Variants in RAD54B observed in about 807,000 individuals in gnomAD.
RAD54B encodes RAD54 homolog B.
A neutral mutation model predicts 95.8 loss-of-function variants in RAD54B; 78 were observed. The observed-to-expected ratio is 0.81, with a 90% CI of 0.68 to 0.98. The LOEUF (loss-of-function observed/expected upper bound fraction) is 0.98. Ranked by LOEUF, RAD54B falls within the 50% of genes least tolerant of loss-of-function variation. The probability of loss-of-function intolerance (pLI) is 0.00; values close to 1 mark genes in which losing one functional copy is unlikely to be tolerated. For missense variants in RAD54B, 957 were observed against 1,056.6 expected (o/e 0.91, Z 1.31); for synonymous variants, 328 against 354.9 (o/e 0.92, Z 0.85).
At chr8:94,375,123 T>G (rs939215667) in intron 14 of RAD54B, among the ~76,000 whole-genome samples, 1 of 152,174 alleles carries the variant, frequency 6.6e-6, no homozygotes, top group Admixed American at 6.5e-5. Flanking sequence ...TTTGGCAATA[T>G]CTATCAAAAT....
intron 6 of RAD54B, among the ~76,000 whole-genome samples, chr8:94,401,802 T>C (rs1377774051): frequency 6.6e-6 from 1 of 152,188 alleles, no homozygotes; most frequent in Admixed American, 6.5e-5. Context: ...GATCAATACT[T>C]TGGCAACAAA....
At chr8:94,396,353 A>G (rs1244161308) in intron 8 of RAD54B, among the ~76,000 whole-genome samples, 1 of 149,658 alleles carries the variant, frequency 6.7e-6, no homozygotes, top group Non-Finnish European at 1.5e-5. Context: ...AAATGAAAGG[A>G]CTCTTTCTTT....
At chr8:94,453,126 T>C (rs1227786273) in intron 3 of RAD54B, among the ~76,000 whole-genome samples, 2 of 152,224 alleles carry the variant, frequency 1.3e-5, no homozygotes, top group Non-Finnish European at 1.5e-5. Flanking sequence ...AGATATTTAT[T>C]GTAGCTCTAT....
chr8:94,446,166 A>C (rs1812515379), intron 3 of RAD54B, among the ~76,000 whole-genome samples: 1 of 152,236 alleles, frequency 6.6e-6, no homozygotes, highest in Non-Finnish European at 1.5e-5. Context: ...TAAAACTTAG[A>C]TAAATTAGAT....
chr8:94,413,634 G>T (rs1386578636), intron 3 of RAD54B, among the ~76,000 whole-genome samples: 1 of 151,720 alleles, frequency 6.6e-6, no homozygotes, highest in Non-Finnish European at 1.5e-5. Context: ...GTAACCTCAG[G>T]ATATACAAAG....
chr8:94,432,664 A>G lies in RAD54B; in HGVS notation c.305-21349T>C, dbSNP rs1038967476. On this transcript the variant is annotated intron_variant, in intron 3 of 14. Transcript: ENST00000336148. The stretch of plus-strand genomic sequence containing the variant: ...TCCTCATCCAAGTTTGCACTATAGC[A>G]CACAAAAAAGCATTATAATATGTAA... 2.7e-6 allele frequency: 4 copies of G among 1,496,852 alleles called. No homozygotes were observed. In the Admixed American group the frequency reaches 7.0e-5, roughly 26 times the overall value. 92.7% of individuals were successfully genotyped at this position (1,496,852 alleles called of 1,614,324 possible).
chr8:94,406,737 A>G (rs970453173), intron 5 of RAD54B, among the ~76,000 whole-genome samples: 1 of 152,132 alleles, frequency 6.6e-6, no homozygotes, highest in African/African-American at 2.4e-5. Context: ...AGTCACCTCT[A>G]TGTCTCAACT....
At chr8:94,415,932 T>G (rs1426529499) in intron 3 of RAD54B, among the ~76,000 whole-genome samples, 2,173 of 152,022 alleles carry the variant, frequency 0.014, 45 homozygotes, top group African/African-American at 0.048. Flanking sequence ...TGTAAACTAG[T>G]TCAACCATTG....
At chr8:94,467,282 G>T in intron 2 of RAD54B, 123 bp downstream of exon 2, 1 of 847,722 alleles carries the variant, frequency 1.2e-6, no homozygotes, top group Non-Finnish European at 1.7e-6. Flanking sequence ...GTTTTTAGAA[G>T]ATGTTTTCAG....
intron 5 of RAD54B, among the ~76,000 whole-genome samples, chr8:94,406,904 A>G (rs973279979): frequency 5.9e-5 from 9 of 152,098 alleles, no homozygotes; most frequent in African/African-American, 2.2e-4. Flanking sequence ...ATCAGATACA[A>G]TCTAGGTTTC....
At chr8:94,440,178 T>C (rs1812366082) in intron 3 of RAD54B, among the ~76,000 whole-genome samples, 1 of 150,142 alleles carries the variant, frequency 6.7e-6, no homozygotes, top group Non-Finnish European at 1.5e-5. Flanking sequence ...CCCAGACCCC[T>C]TAGATAGGAA....
At chr8:94,443,534 A>C (rs993725216) in intron 3 of RAD54B, among the ~76,000 whole-genome samples, 1 of 152,130 alleles carries the variant, frequency 6.6e-6, no homozygotes, top group African/African-American at 2.4e-5. Flanking sequence ...TCAAAAAAAA[A>C]AAAATCACTC....
intron 3 of RAD54B, among the ~76,000 whole-genome samples, chr8:94,454,940 A>C (rs548127799): frequency 2.6e-5 from 4 of 152,184 alleles, no homozygotes; most frequent in African/African-American, 9.7e-5. Flanking sequence ...AAAGATTTTT[A>C]TCACTCCCCT....
At chr8:94,416,615 CA>C (rs1811678044) in intron 3 of RAD54B, among the ~76,000 whole-genome samples, 1 of 151,590 alleles carries the variant, frequency 6.6e-6, no homozygotes, top group Admixed American at 6.6e-5. Flanking sequence ...TACAAACAAC[CA>C]ATAAGCACAT....
At chr8:94,424,224 G>C (rs745935895) in intron 3 of RAD54B, among the ~76,000 whole-genome samples, 9 of 152,092 alleles carry the variant, frequency 5.9e-5, no homozygotes, top group Non-Finnish European at 1.0e-4. Flanking sequence ...AGACTGGCTG[G>C]GTCAGAGTCT....
chr8:94,459,363 G>T (rs1161706260), intron 2 of RAD54B, among the ~76,000 whole-genome samples: 1 of 151,722 alleles, frequency 6.6e-6, no homozygotes, highest in Non-Finnish European at 1.5e-5. Context: ...TGTTGCCCAG[G>T]CTGGTCTGAA....
chr8:94,430,372 T>G (rs1812060092), intron 3 of RAD54B: 1 of 985,150 alleles, frequency 1.0e-6, no homozygotes, highest in African/African-American at 1.7e-5. Context: ...TCATCCAAAT[T>G]TATATCCCTC....
At chr8:94,386,921 A>C (rs991239139) in intron 11 of RAD54B, 63 bp downstream of exon 11, 1 of 1,146,888 alleles carries the variant, frequency 8.7e-7, no homozygotes, top group Non-Finnish European at 1.2e-6. Context: ...GGAAGTAGGA[A>C]GTAAAGAAAT....
At chr8:94,426,490 G>T (rs1055516445) in intron 3 of RAD54B, among the ~76,000 whole-genome samples, 1 of 151,964 alleles carries the variant, frequency 6.6e-6, no homozygotes, top group African/African-American at 2.4e-5. Flanking sequence ...AAAAAGTGTG[G>T]TATATTTATG....
Sources: allele counts gnomAD v4.1 joint callset (sites outside exome capture counted in the v4.1 genomes callset), GRCh38; gene constraint gnomAD v4.1.1; transcripts MANE v1.5; gene names NCBI Gene and HGNC (gene_info 2026-07-23, HGNC 2026-07-21).